Variants in EML5 observed in about 807,000 individuals in gnomAD.
EML5 encodes EMAP like 5, also known as echinoderm microtubule-associated protein-like 5.
EML5 carries 120 observed loss-of-function variants against 250.0 expected under a neutral mutation model. That is an observed-to-expected ratio of 0.48 (90% confidence interval 0.41 to 0.56). The LOEUF is 0.56. Among genes scored for constraint, EML5 ranks in the 20% least tolerant of loss-of-function variants. EML5 has a pLI of 0.00. For synonymous variants in EML5, 771 were observed against 806.5 expected (o/e 0.96, Z 0.75); for missense variants, 2,006 against 2,437.6 (o/e 0.82, Z 3.73).
At chr14:88,672,671 A>G (rs1007452559) in intron 21 of EML5, among the ~76,000 whole-genome samples, 1 of 152,126 alleles carries the variant, frequency 6.6e-6, no homozygotes, top group Admixed American at 6.5e-5. Flanking sequence ...AGAGAGAAGA[A>G]TCAAATCGAC....
In EML5 at chr14:88,685,000, A is replaced by G. The variant is rs1429150564; in HGVS notation, c.2982+15T>C. The G allele has an allele frequency of 1.9e-6, 3 of 1,588,314 alleles. No individual in the cohort carries two copies. The Admixed American group carries it at 5.4e-5, about 28-fold the overall frequency. Reference sequence around the variant, plus strand: ...GTATGTAAAGAAAAAAAAACAAATTAGCATTTAAAATTACCTGAACCAGAA... The same window carrying G: ...GTATGTAAAGAAAAAAAAACAAATTGGCATTTAAAATTACCTGAACCAGAA... On this transcript the variant is annotated intron_variant, in intron 20 of 43. Coordinates refer to ENST00000554922, the MANE Select transcript of EML5 (RefSeq NM_183387.3).
At chr14:88,695,792 T>C (rs2093065062) in intron 15 of EML5, among the ~76,000 whole-genome samples, 1 of 152,074 alleles carries the variant, frequency 6.6e-6, no homozygotes, top group Non-Finnish European at 1.5e-5. Context: ...GAAGAAAATA[T>C]TTAATTAAAT....
chr14:88,694,418 C>T lies in EML5; in HGVS notation c.2439-11G>A. The T allele has an allele frequency of 2.6e-6, 4 of 1,516,222 alleles. No individual in the cohort carries two copies. Among genetic ancestry groups the T allele is most frequent in the Non-Finnish European group, 3.6e-6 (4 of 1,112,244 alleles). The allele number at this position is 1,516,222 out of a possible 1,614,324, so 93.9% of individuals were successfully genotyped here. ...TTATCTTTACTTCCTCTGAAATAAA[C>T]ATCGAAATGTTTTAGCTCTGAAGAT... On this transcript the variant is annotated splice_polypyrimidine_tract_variant and intron_variant, in intron 16 of 43. Transcript: ENST00000554922.
chr14:88,649,800 G>T, intron 28 of EML5, 112 bp downstream of exon 28: 1 of 849,902 alleles, frequency 1.2e-6, no homozygotes, highest in Non-Finnish European at 1.8e-6. Context: ...ATAATGCTTT[G>T]TTGACAAATG....
chr14:88,665,232 G>T (rs1256349232), intron 22 of EML5, 105 bp downstream of exon 22: 9 of 1,285,556 alleles, frequency 7.0e-6, no homozygotes, highest in Non-Finnish European at 9.4e-6. Flanking sequence ...TAGTAAAAAA[G>T]TTAAGTTCTG....
chr14:88,659,148 G>A (rs528793189), intron 25 of EML5, among the ~76,000 whole-genome samples: 4 of 152,004 alleles, frequency 2.6e-5, no homozygotes, highest in African/African-American at 7.2e-5. Context: ...CAGGTTTTCC[G>A]TTAACATCTT....
chr14:88,704,967 T>G lies in EML5; in HGVS notation c.1944A>C (p.Glu648Asp). ...QLTYRRQVYKEDLPQLKEQCK... is the reference protein window; with the variant it reads ...QLTYRRQVYKDDLPQLKEQCK... Reference sequence around the variant, plus strand: ...ACTGTTCTTTAAGCTGAGGTAGATCTTCTTTGTAAACCTTTAAAAATGTAT... The same window carrying G: ...ACTGTTCTTTAAGCTGAGGTAGATCGTCTTTGTAAACCTTTAAAAATGTAT... The change falls in exon 13 of 44, where the codon GAA becomes GAC. Residue 648 changes from glutamate to aspartate, a missense_variant. Glu to Asp is a conservative substitution (Grantham distance 45, BLOSUM62 2). Transcript: ENST00000554922. The G allele has an allele frequency of 6.2e-7, 1 of 1,609,960 alleles. No homozygotes were observed. Among genetic ancestry groups the G allele is most frequent in the Non-Finnish European group, 8.5e-7 (1 of 1,177,554 alleles).
At chr14:88,705,450 T>C in intron 12 of EML5, 32 bp downstream of exon 12, 10 of 1,481,302 alleles carry the variant, frequency 6.8e-6, no homozygotes, top group Non-Finnish European at 9.3e-6. Flanking sequence ...ATTAGACTTT[T>C]TAGAGAAAAA....
Position 88,626,951 on chromosome 14 carries a change from T to C in EML5, c.4627A>G (p.Lys1543Glu). ...SDTQFVSVGV[K>E]HVKFWTLAGR... ...GCCAGGGTCCAGAACTTCACATGTT[T>C]TACTCCCACTGAGACAAACTGGGTA... is the stretch of plus-strand genomic sequence containing the variant. The change falls in exon 35 of 44, where the codon AAA becomes GAA. Residue 1543 changes from lysine (K) to glutamate (E), a missense_variant. Physicochemically the swap from Lys to Glu is moderately conservative, Grantham distance 56. This residue lies in a region of EML5 where 405 missense variants were observed against 523.3 expected (regional missense o/e 0.77). Transcript: ENST00000554922. The C allele has an allele frequency of 6.2e-7, 1 of 1,613,976 alleles. No individual in the cohort carries two copies. The highest frequency in any genetic ancestry group is 8.5e-7 in the Non-Finnish European group (1 of 1,179,878).
At chr14:88,648,406 T>A (rs1450824954) in intron 28 of EML5, among the ~76,000 whole-genome samples, 1 of 152,114 alleles carries the variant, frequency 6.6e-6, no homozygotes, top group Non-Finnish European at 1.5e-5. Flanking sequence ...CAAGCTAGAG[T>A]GCAGTGGTGT....
At chr14:88,662,105 TTC>T (rs1404624077) in intron 24 of EML5, among the ~76,000 whole-genome samples, 1 of 152,048 alleles carries the variant, frequency 6.6e-6, no homozygotes, top group Non-Finnish European at 1.5e-5. Context: ...ATAAAACCGT[TTC>T]TGACTTTAGG....
At chr14:88,693,148 A>G (rs2092998134) in intron 17 of EML5, among the ~76,000 whole-genome samples, 1 of 152,184 alleles carries the variant, frequency 6.6e-6, no homozygotes, top group Non-Finnish European at 1.5e-5. Context: ...ACTATAGAAC[A>G]TGTCTTTAAC....
At position 88,712,448 on chromosome 14, in the gene EML5, C is replaced by G. The variant is rs1566680213; in HGVS notation, c.1480G>C (p.Gly494Arg). 6.2e-7 allele frequency: 1 copy of G among 1,613,476 alleles called. No individual in the cohort carries two copies. The highest frequency in any genetic ancestry group is 8.5e-7 in the Non-Finnish European group (1 of 1,179,594). The change falls in exon 10 of 44, where the codon GGT (glycine) becomes CGT (arginine). Residue 494 changes from glycine to arginine, a missense_variant. By Grantham distance (125) the Gly-to-Arg change is moderately radical. Transcript: ENST00000554922. ...KEVTSTEEIK[G>R]VHWASWTCVS... is the part of the protein sequence containing the mutation. ...CATGTCCATGAAGCCCAATGAACAC[C>G]TTTTATTTCTTCTGTACTTGTCACT...
At chr14:88,686,452 C>T (rs1028115202) in intron 19 of EML5, among the ~76,000 whole-genome samples, 1 of 151,826 alleles carries the variant, frequency 6.6e-6, no homozygotes, top group Admixed American at 6.6e-5. Context: ...CCCTCTGGGC[C>T]CACAGCCCGG....
chr14:88,624,969 C>T lies in EML5; in HGVS notation c.4898+1G>A, dbSNP rs1433161976. The T allele has an allele frequency of 3.1e-6, 5 of 1,612,926 alleles. No individual in the cohort carries two copies. The highest frequency in any genetic ancestry group is 3.4e-6 in the Non-Finnish European group (4 of 1,179,478). On this transcript the variant is annotated splice_donor_variant, in intron 36 of 43. Transcript: ENST00000554922. LOFTEE classifies it high-confidence loss of function. Reference sequence around the variant, plus strand: ...ATTCTGTGAAAAGAAAGAGGACTCACGGCCTTTCCTTTCCCCCAGTCACGA... The same window carrying T: ...ATTCTGTGAAAAGAAAGAGGACTCATGGCCTTTCCTTTCCCCCAGTCACGA...
chr14:88,790,999 CTG>C (rs2094600499), intron 1 of EML5, among the ~76,000 whole-genome samples: 2 of 152,150 alleles, frequency 1.3e-5, no homozygotes, highest in Admixed American at 1.3e-4. Flanking sequence ...AAAAAGCACT[CTG>C]GTGTCCAAAA....
intron 24 of EML5, 126 bp from the exon 25 acceptor site, chr14:88,661,956 T>A: frequency 1.1e-6 from 1 of 884,546 alleles, no homozygotes; most frequent in South Asian, 2.0e-5. Context: ...AATGAAAAAA[T>A]AGTTAAATTA....
At chr14:88,719,111 C>T (rs2093550515) in intron 8 of EML5, among the ~76,000 whole-genome samples, 1 of 152,128 alleles carries the variant, frequency 6.6e-6, no homozygotes, top group Non-Finnish European at 1.5e-5. Context: ...TTTGACTAGG[C>T]ATGGTGGCTC....
At chr14:88,791,126 T>C (rs1016493995) in intron 1 of EML5, among the ~76,000 whole-genome samples, 13 of 152,194 alleles carry the variant, frequency 8.5e-5, no homozygotes, top group African/African-American at 2.9e-4. Flanking sequence ...CCTCTGTTTG[T>C]CCTAGGCATC....
Sources: allele counts gnomAD v4.1 joint callset (sites outside exome capture counted in the v4.1 genomes callset), GRCh38; gene constraint gnomAD v4.1.1; regional missense constraint gnomAD v4.1.1; transcripts MANE v1.5; gene names NCBI Gene and HGNC (gene_info 2026-07-23, HGNC 2026-07-21).